The following WAPL variants were observed in gnomAD, a reference collection of about 807,000 sequenced individuals.
WAPL encodes WAPL cohesin release factor.
Under a neutral mutation model 121.0 loss-of-function variants are expected in WAPL, and 5 were observed. The ratio of observed to expected loss-of-function variants is 0.04; its 90% CI spans 0.02 to 0.09. The LOEUF is 0.09. Ranked by LOEUF, WAPL falls within the 10% of genes least tolerant of loss-of-function variation. WAPL has a pLI of 1.00. For missense variants in WAPL, 999 were observed against 1,410.8 expected, an observed-to-expected ratio of 0.71 and a Z score of 4.68; for synonymous variants, 480 against 481.5, an observed-to-expected ratio of 1.00 and a Z score of 0.04.
At chr10:86,517,539 CTT>C in intron 2 of WAPL, 30 bp downstream of exon 2, 1 of 1,568,350 alleles carries the variant, frequency 6.4e-7, no homozygotes, top group Non-Finnish European at 8.6e-7. Flanking sequence ...ACAAAGCTCT[CTT>C]GGCGGAGAAT....
rs755034113 is a variant in WAPL, at chr10:86,446,390, G to T, written c.3174C>A (p.Ile1058=). 3 of 1,614,056 alleles carry T rather than the reference G, an allele frequency of 1.9e-6. No homozygotes were observed. In the South Asian group the frequency reaches 3.3e-5, roughly 18 times the overall value. ...CATGCTGAGTGGTGGGAGCATCTTT[G>T]ATCAACTCATCTGTTTTACTTTCTG... is the stretch of plus-strand genomic sequence containing the variant. The part of the protein sequence containing the change: ...QLAESKTDEL[I]KDAPTTQHDK... The change falls in exon 16 of 19, where the codon ATC becomes ATA. Residue 1058 remains isoleucine, a synonymous_variant. Transcript: ENST00000298767.
rs368156023 is a variant in WAPL at position 86,457,615 on chromosome 10, T to C, written c.2657+1374A>G. Among the ~76,000 whole-genome samples the C allele has an allele frequency of 1.3e-3, 194 of 151,828 alleles. 1 individual carries two copies. Among genetic ancestry groups the C allele is most frequent in the African/African-American group, 4.2e-3 (173 of 41,418 alleles). ...TTGCAGTGAGCCGAGATCATGCCAC[T>C]GTACTCCAGCCTGGGCTCAGAAAAA... On this transcript the variant is annotated intron_variant, in intron 12 of 18. Coordinates refer to ENST00000298767, the MANE Select transcript of WAPL (RefSeq NM_015045.5).
chr10:86,450,611 G>GC (rs1840956874), intron 15 of WAPL, among the ~76,000 whole-genome samples: 1 of 152,104 alleles, frequency 6.6e-6, no homozygotes, highest in African/African-American at 2.4e-5. Context: ...ATTTTCAAAT[G>GC]TTTTTTGCAT....
At chr10:86,508,104 A>G (rs2132228177) in intron 2 of WAPL, among the ~76,000 whole-genome samples, 1 of 152,306 alleles carries the variant, frequency 6.6e-6, no homozygotes, top group East Asian at 1.9e-4. Flanking sequence ...TTTTAGTGAC[A>G]CCAACTTCAA....
intron 12 of WAPL, among the ~76,000 whole-genome samples, chr10:86,455,033 C>T (rs1461417290): frequency 6.7e-6 from 1 of 149,704 alleles, no homozygotes; most frequent in Non-Finnish European, 1.5e-5. Context: ...GGGGCAGCCC[C>T]CGCCCGGCCA....
chr10:86,493,980 G>T (rs965603545), intron 4 of WAPL, among the ~76,000 whole-genome samples: 44 of 152,300 alleles, frequency 2.9e-4, no homozygotes, highest in African/African-American at 1.1e-3. Context: ...TCCAGCCTGG[G>T]CAACAGAGCA....
intron 4 of WAPL, among the ~76,000 whole-genome samples, chr10:86,494,577 C>T (rs1842115097): frequency 6.6e-6 from 1 of 152,156 alleles, no homozygotes; most frequent in Non-Finnish European, 1.5e-5. Context: ...TACTTACAAA[C>T]TTTTCTGAGT....
rs537795370 is a variant in WAPL, at chr10:86,518,578, C to T, written c.-22-487G>A. Reference sequence around the variant, plus strand: ...CAAAAATTAGCTGGGAGTGGTGGCACGCACCTGTAATCCCAGCTACTTGAG... The same window carrying T: ...CAAAAATTAGCTGGGAGTGGTGGCATGCACCTGTAATCCCAGCTACTTGAG... On this transcript the variant is annotated intron_variant, in intron 1 of 18. Transcript: ENST00000298767. 5.8e-4 allele frequency among the ~76,000 whole-genome samples: 89 copies of T among 152,244 alleles called. 4 individuals are homozygous for T. The South Asian group carries it at 0.018, about 30-fold the overall frequency.
intron 16 of WAPL, 119 bp from the exon 17 acceptor site, chr10:86,443,482 G>C (rs1849525174): frequency 6.0e-6 from 4 of 664,576 alleles, no homozygotes; most frequent in East Asian, 2.9e-5. Context: ...AATGATGCTA[G>C]GACAACTGGA....
intron 17 of WAPL, among the ~76,000 whole-genome samples, chr10:86,440,882 G>GA (rs10661246): frequency 0.79 from 102,634 of 130,114 alleles, 40,562 homozygotes; most frequent in South Asian, 0.88. Context: ...TACACAAAGT[G>GA]AAAAAAAAAA....
chr10:86,518,095 T>C lies in WAPL; in HGVS notation c.-22-4A>G, dbSNP rs372443425. The C allele has an allele frequency of 1.5e-5, 24 of 1,592,104 alleles. No homozygotes were observed. In the African/African-American group the frequency reaches 3.0e-4, roughly 20 times the overall value. ...TTTGACACCAGTTTCATATTCTCTGTGAAAAAAAATTTAAGAAAACATATA... is the reference window on the plus strand; with the variant it reads ...TTTGACACCAGTTTCATATTCTCTGCGAAAAAAAATTTAAGAAAACATATA... On this transcript the variant is annotated splice_region_variant and splice_polypyrimidine_tract_variant and intron_variant, in intron 1 of 18. Coordinates refer to ENST00000298767, the MANE Select transcript of WAPL (RefSeq NM_015045.5).
intron 2 of WAPL, among the ~76,000 whole-genome samples, chr10:86,507,817 C>A (rs1463824364): frequency 4.6e-5 from 7 of 151,910 alleles, no homozygotes; most frequent in African/African-American, 1.7e-4. Flanking sequence ...AGTATACTAA[C>A]CCCTTTCTCC....
intron 15 of WAPL, among the ~76,000 whole-genome samples, chr10:86,450,905 C>T (rs573290622): frequency 1.6e-4 from 25 of 152,274 alleles, no homozygotes; most frequent in Admixed American, 1.5e-3. Flanking sequence ...TAAAAAATGA[C>T]TTTAAATGGC....
intron 17 of WAPL, among the ~76,000 whole-genome samples, chr10:86,439,137 T>C (rs565193342): frequency 4.4e-4 from 67 of 152,280 alleles, no homozygotes; most frequent in African/African-American, 1.5e-3. Flanking sequence ...AAAGGAGAGA[T>C]GACATATTTC....
chr10:86,515,869 T>TTTG (rs1269274246), intron 2 of WAPL, among the ~76,000 whole-genome samples: 1 of 144,956 alleles, frequency 6.9e-6, no homozygotes, highest in East Asian at 2.1e-4. Flanking sequence ...TATGCCTTTT[T>TTTG]TTTTTTTTTT....
At chr10:86,521,342 C>A in intron 1 of WAPL, 23 bp downstream of exon 1, 1 of 267,098 alleles carries the variant, frequency 3.7e-6, no homozygotes, top group Non-Finnish European at 7.4e-6. Flanking sequence ...CCGGCCTAGG[C>A]GGCCGCCCGA....
At chr10:86,460,075 T>C (rs1330729802) in intron 11 of WAPL, among the ~76,000 whole-genome samples, 1 of 151,586 alleles carries the variant, frequency 6.6e-6, no homozygotes, top group Non-Finnish European at 1.5e-5. Context: ...ATCATGTCAC[T>C]GCACTGTAGC....
chr10:86,516,976 G>A (rs896816321), intron 2 of WAPL, among the ~76,000 whole-genome samples: 4 of 152,034 alleles, frequency 2.6e-5, no homozygotes, highest in East Asian at 1.9e-4. Context: ...CCAGCTACTC[G>A]GGAGGCTGAG....
At chr10:86,478,326 C>G (rs934459964) in intron 4 of WAPL, among the ~76,000 whole-genome samples, 1 of 151,700 alleles carries the variant, frequency 6.6e-6, no homozygotes. Flanking sequence ...CTACTCGAGA[C>G]GCTGAGGTGG....
Sources: gnomAD v4.1 joint callset for allele counts (sites outside exome capture counted in the v4.1 genomes callset) on GRCh38, gnomAD v4.1.1 for gene constraint, MANE v1.5 for transcripts, NCBI Gene and HGNC (gene_info 2026-07-23, HGNC 2026-07-21) for gene names.